Variants in FHIT observed in about 807,000 individuals in gnomAD.
The protein encoded by FHIT is bis(5'-adenosyl)-triphosphatase.
FHIT carries 19 observed loss-of-function variants against 17.9 expected under a neutral mutation model. That is an observed-to-expected ratio of 1.06 (90% CI 0.74 to 1.56). FHIT has a LOEUF of 1.56. Ranked by LOEUF, FHIT falls within the 40% of genes most tolerant of loss-of-function variation. The pLI is 0.00. For synonymous variants in FHIT, 81 were observed against 69.7 expected (o/e 1.16, Z -0.81); for missense variants, 248 against 189.2 (o/e 1.31, Z -1.82).
chr3:59,794,316 G>A (rs1013819569), intron 8 of FHIT, among the ~76,000 whole-genome samples: 3 of 152,090 alleles, frequency 2.0e-5, no homozygotes, highest in African/African-American at 7.2e-5. Context: ...AATTGAAAAC[G>A]CACCAGGACA....
At chr3:60,150,675 T>C (rs987825104) in intron 5 of FHIT, among the ~76,000 whole-genome samples, 1 of 152,176 alleles carries the variant, frequency 6.6e-6, no homozygotes, top group Non-Finnish European at 1.5e-5. Flanking sequence ...CCCAGAACTT[T>C]AGGAGGCTGA....
intron 2 of FHIT, among the ~76,000 whole-genome samples, chr3:61,045,046 C>G (rs1413933364): frequency 6.6e-6 from 1 of 152,188 alleles, no homozygotes; most frequent in Non-Finnish European, 1.5e-5. Context: ...CTATAAAGAC[C>G]ATCAATACTA....
At chr3:60,451,045 G>A (rs1166190817) in intron 5 of FHIT, among the ~76,000 whole-genome samples, 1 of 152,010 alleles carries the variant, frequency 6.6e-6, no homozygotes, top group Non-Finnish European at 1.5e-5. Context: ...GAGTTCTTGG[G>A]CCAACGAAGA....
chr3:60,198,778 CT>C (rs1702760991), intron 5 of FHIT, among the ~76,000 whole-genome samples: 2 of 152,078 alleles, frequency 1.3e-5, no homozygotes, highest in Non-Finnish European at 2.9e-5. Context: ...TTGGCAAATT[CT>C]TCATATTTGA....
intron 4 of FHIT, among the ~76,000 whole-genome samples, chr3:60,688,939 G>A (rs1469799759): frequency 1.3e-5 from 2 of 152,098 alleles, no homozygotes; most frequent in African/African-American, 4.8e-5. Context: ...GATTGAAAAT[G>A]CTCAGTGATA....
chr3:60,626,640 TA>T (rs1358400607), intron 4 of FHIT, among the ~76,000 whole-genome samples: 1 of 152,086 alleles, frequency 6.6e-6, no homozygotes, highest in Non-Finnish European at 1.5e-5. Flanking sequence ...TTATGCCATT[TA>T]TAATAAAGTT....
intron 5 of FHIT, among the ~76,000 whole-genome samples, chr3:60,201,441 A>T (rs1221509882): frequency 6.6e-6 from 1 of 152,000 alleles, no homozygotes; most frequent in Non-Finnish European, 1.5e-5. Context: ...TCAGCCTCCC[A>T]AGTAGAATAT....
At chr3:61,235,953 C>T (rs115373786) in intron 1 of FHIT, among the ~76,000 whole-genome samples, 51 of 151,914 alleles carry the variant, frequency 3.4e-4, no homozygotes, top group African/African-American at 1.2e-3. Flanking sequence ...TAATCACTAA[C>T]ATGTCATTAG....
At chr3:60,613,957 G>A (rs775006950) in intron 4 of FHIT, among the ~76,000 whole-genome samples, 7 of 152,116 alleles carry the variant, frequency 4.6e-5, no homozygotes, top group Non-Finnish European at 7.4e-5. Context: ...GATCAACAAA[G>A]TCCAGGAACA....
At chr3:59,988,466 T>C (rs1023682637) in intron 7 of FHIT, among the ~76,000 whole-genome samples, 1 of 152,130 alleles carries the variant, frequency 6.6e-6, no homozygotes, top group African/African-American at 2.4e-5. Context: ...CTGAACATTA[T>C]AATCACAGTA....
At chr3:60,375,472 G>T (rs186522465) in intron 5 of FHIT, among the ~76,000 whole-genome samples, 175 of 152,156 alleles carry the variant, frequency 1.2e-3, no homozygotes, top group Middle Eastern at 3.4e-3. Context: ...CTATTCAGGA[G>T]GCTGAGGCAC....
chr3:61,163,868 C>T (rs1468993239), intron 2 of FHIT, among the ~76,000 whole-genome samples: 1 of 152,130 alleles, frequency 6.6e-6, no homozygotes. Context: ...ATTTATGTCC[C>T]TTTCTCTTAT....
intron 5 of FHIT, among the ~76,000 whole-genome samples, chr3:60,349,212 A>C (rs999330524): frequency 6.6e-6 from 1 of 152,208 alleles, no homozygotes; most frequent in African/African-American, 2.4e-5. Context: ...TTGTATGCAC[A>C]GTCTGAATTT....
chr3:60,136,113 T>C (rs550037529), intron 5 of FHIT, among the ~76,000 whole-genome samples: 2 of 152,160 alleles, frequency 1.3e-5, no homozygotes, highest in Admixed American at 6.5e-5. Context: ...ATCTGGCACA[T>C]AGTCAGCATG....
At chr3:60,021,828 C>T (rs1466004984) in intron 5 of FHIT, among the ~76,000 whole-genome samples, 1 of 152,160 alleles carries the variant, frequency 6.6e-6, no homozygotes, top group African/African-American at 2.4e-5. Flanking sequence ...ATACCTACTG[C>T]AGTGTTTACT....
intron 5 of FHIT, among the ~76,000 whole-genome samples, chr3:60,197,994 A>C (rs1702723559): frequency 6.6e-6 from 1 of 152,176 alleles, no homozygotes; most frequent in Admixed American, 6.5e-5. Flanking sequence ...TTCTGTATAC[A>C]CCTTCTGATG....
intron 8 of FHIT, among the ~76,000 whole-genome samples, chr3:59,781,284 A>C (rs1242944698): frequency 6.6e-6 from 1 of 152,232 alleles, no homozygotes; most frequent in African/African-American, 2.4e-5. Flanking sequence ...ATGATTAATA[A>C]GCCAGAAAGG....
At chr3:60,689,565 T>C (rs1459364508) in intron 4 of FHIT, among the ~76,000 whole-genome samples, 1 of 152,192 alleles carries the variant, frequency 6.6e-6, no homozygotes, top group African/African-American at 2.4e-5. Flanking sequence ...ACGACAGTAC[T>C]TGGTGATTTA....
At chr3:59,972,343 T>A (rs1288433019) in intron 7 of FHIT, among the ~76,000 whole-genome samples, 5 of 152,046 alleles carry the variant, frequency 3.3e-5, no homozygotes, top group Admixed American at 3.3e-4. Flanking sequence ...CAAGTGTGTC[T>A]CTCATGAAGA....
Sources: gnomAD v4.1 joint callset for allele counts (sites outside exome capture counted in the v4.1 genomes callset) on GRCh38, gnomAD v4.1.1 for gene constraint, MANE v1.5 for transcripts, NCBI Gene and HGNC (gene_info 2026-07-23, HGNC 2026-07-21) for gene names.